AGBL4: variants seen among roughly 807,000 people sequenced by gnomAD.
AGBL4 encodes the protein cytosolic carboxypeptidase 6.
Under a neutral mutation model 66.4 loss-of-function variants are expected in AGBL4, and 58 were observed. The ratio of observed to expected loss-of-function variants is 0.87; its 90% CI spans 0.71 to 1.09. The LOEUF (loss-of-function observed/expected upper bound fraction) is 1.09, where lower values mean the gene tolerates loss of function less well. Among genes scored for constraint, AGBL4 ranks in the 50% least tolerant of loss-of-function variants. The probability of loss-of-function intolerance (pLI) is 0.00; values close to 1 mark genes in which losing one functional copy is unlikely to be tolerated. For missense variants in AGBL4, 579 were observed against 631.0 expected, an observed-to-expected ratio of 0.92 and a Z score of 0.88; for synonymous variants, 234 against 222.9, an observed-to-expected ratio of 1.05 and a Z score of -0.44.
chr1:49,306,885 T>A (rs1644857384), intron 3 of AGBL4, among the ~76,000 whole-genome samples: 1 of 152,206 alleles, frequency 6.6e-6, no homozygotes, highest in Admixed American at 6.5e-5. Flanking sequence ...GCAATTTTTA[T>A]CATCATAATC....
chr1:49,725,485 G>C (rs1648949108), intron 2 of AGBL4, among the ~76,000 whole-genome samples: 1 of 152,078 alleles, frequency 6.6e-6, no homozygotes, highest in African/African-American at 2.4e-5. Context: ...GATCTATGCT[G>C]GGCTGTCCAG....
rs577542985 is a variant in AGBL4, at chr1:48,874,641, T to C, written c.595-7411A>G. The stretch of plus-strand genomic sequence containing the variant: ...ACATACTTGGAAAACAAACCAAAAA[T>C]ACCTATTATTTTCAGAACCAAGTTT... On this transcript the variant is annotated intron_variant, in intron 5 of 13. Transcript: ENST00000371839. 2.6e-5 allele frequency among the ~76,000 whole-genome samples: 4 copies of C among 152,240 alleles called. No individual in the cohort carries two copies. In the South Asian group the frequency reaches 8.3e-4, roughly 32 times the overall value.
At chr1:49,645,299 T>C (rs944615272) in intron 3 of AGBL4, among the ~76,000 whole-genome samples, 1 of 151,466 alleles carries the variant, frequency 6.6e-6, no homozygotes, top group Non-Finnish European at 1.5e-5. Flanking sequence ...CCTAATTCTT[T>C]GCAAAATTAT....
intron 7 of AGBL4, among the ~76,000 whole-genome samples, chr1:48,655,334 TC>T (rs1219144464): frequency 6.6e-6 from 1 of 152,226 alleles, no homozygotes; most frequent in Non-Finnish European, 1.5e-5. Flanking sequence ...TTTTCTTTTT[TC>T]TTTGTGGTGA....
chr1:49,941,163 ATAACAAGTAGATT>A (rs973349348), intron 1 of AGBL4, among the ~76,000 whole-genome samples: 1 of 152,156 alleles, frequency 6.6e-6, no homozygotes, highest in Non-Finnish European at 1.5e-5. Flanking sequence ...GAACAGACCA[ATAACAAGTAGATT>A]TAATCAGTAG....
intron 3 of AGBL4, among the ~76,000 whole-genome samples, chr1:49,514,584 T>C (rs1252228407): frequency 6.6e-6 from 1 of 151,978 alleles, no homozygotes; most frequent in African/African-American, 2.4e-5. Flanking sequence ...ACCAAGTCAA[T>C]CCGAAGCCAA....
intron 6 of AGBL4, among the ~76,000 whole-genome samples, chr1:48,724,084 G>A (rs1250595887): frequency 6.6e-6 from 1 of 152,216 alleles, no homozygotes; most frequent in Non-Finnish European, 1.5e-5. Context: ...TACGGGGTCA[G>A]CAGGTTAGGA....
intron 5 of AGBL4, among the ~76,000 whole-genome samples, chr1:49,037,606 A>G (rs1421533029): frequency 1.3e-5 from 2 of 152,100 alleles, no homozygotes; most frequent in African/African-American, 2.4e-5. Context: ...GACACACCAT[A>G]GCATCTCAGC....
chr1:49,475,847 A>G (rs1218245230), intron 3 of AGBL4, among the ~76,000 whole-genome samples: 1 of 152,014 alleles, frequency 6.6e-6, no homozygotes, highest in Non-Finnish European at 1.5e-5. Context: ...CAAGCAGTTT[A>G]TCAATCTCAT....
intron 4 of AGBL4, among the ~76,000 whole-genome samples, chr1:49,114,856 C>A (rs1203984592): frequency 1.3e-5 from 2 of 152,048 alleles, no homozygotes; most frequent in Non-Finnish European, 2.9e-5. Flanking sequence ...GTTTGTAGCA[C>A]CCCAAAACAA....
chr1:48,613,700 G>T (rs776050667), intron 9 of AGBL4, among the ~76,000 whole-genome samples: 14 of 152,196 alleles, frequency 9.2e-5, no homozygotes, highest in Non-Finnish European at 7.3e-5. Context: ...TTTAGCCTGG[G>T]CCCTAGATGA....
rs1647050853 is a variant in AGBL4, at chr1:49,877,436, G to A, written c.35-25918C>T. On this transcript the variant is annotated intron_variant, in intron 1 of 13. Transcript: ENST00000371839. ...GATAATCATGTGGTTTTTGTCTTTG[G>A]TTCTGTTTATATGCTGGATTACATT... Among the ~76,000 whole-genome samples, 4 of 151,850 alleles carry A rather than the reference G, an allele frequency of 2.6e-5. No individual in the cohort carries two copies. In the South Asian group the frequency reaches 8.3e-4, roughly 32 times the overall value.
chr1:48,653,377 G>A lies in AGBL4; in HGVS notation c.799C>T (p.Pro267Ser). 6.3e-7 allele frequency: 1 copy of A among 1,587,206 alleles called. No homozygotes were observed. Among genetic ancestry groups the A allele is most frequent in the Non-Finnish European group, 8.6e-7 (1 of 1,166,008 alleles). The change falls in exon 8 of 14, where the codon CCA becomes TCA. Residue 267 changes from proline to serine, a missense_variant. By Grantham distance (74) the Pro-to-Ser change is moderately conservative. Coordinates refer to ENST00000371839, the MANE Select transcript of AGBL4 (RefSeq NM_032785.4). The part of the protein sequence containing the change: ...LREYLVFKIA[P>S]MLNPDGVYLG... ...TAGACTCCATCAGGATTGAGCATTG[G>A]TGCGATCTTGAAGACCAGGTATTCC...
At chr1:49,201,249 C>G (rs1282087327) in intron 4 of AGBL4, among the ~76,000 whole-genome samples, 1 of 152,164 alleles carries the variant, frequency 6.6e-6, no homozygotes, top group Non-Finnish European at 1.5e-5. Context: ...GGACTTGGTC[C>G]TGCATCCCCT....
chr1:48,868,501 C>A (rs543434112), intron 5 of AGBL4, among the ~76,000 whole-genome samples: 6 of 152,238 alleles, frequency 3.9e-5, no homozygotes, highest in African/African-American at 1.4e-4. Context: ...CATTAAATGG[C>A]AGGGTCAGGA....
At chr1:49,795,303 A>C (rs1644702710) in intron 2 of AGBL4, among the ~76,000 whole-genome samples, 1 of 152,042 alleles carries the variant, frequency 6.6e-6, no homozygotes, top group African/African-American at 2.4e-5. Flanking sequence ...ATGTACCCAG[A>C]TAAAACTATC....
chr1:48,653,519 G>A, intron 7 of AGBL4, 68 bp from the exon 8 acceptor site: 2 of 1,265,630 alleles, frequency 1.6e-6, no homozygotes, highest in Non-Finnish European at 2.2e-6. Context: ...ATTTTTCTCA[G>A]CTTGGAAAAC....
At chr1:49,523,728 T>C (rs1650439898) in intron 3 of AGBL4, among the ~76,000 whole-genome samples, 1 of 152,216 alleles carries the variant, frequency 6.6e-6, no homozygotes, top group Admixed American at 6.5e-5. Flanking sequence ...TATTAATGAA[T>C]AAATCAATTA....
intron 3 of AGBL4, among the ~76,000 whole-genome samples, chr1:49,274,963 G>C (rs1644138740): frequency 6.6e-6 from 1 of 152,004 alleles, no homozygotes; most frequent in Non-Finnish European, 1.5e-5. Context: ...ATATATTTGT[G>C]AACAAAAATA....
Sources: gnomAD v4.1 joint callset for allele counts (sites outside exome capture counted in the v4.1 genomes callset) on GRCh38, gnomAD v4.1.1 for gene constraint, MANE v1.5 for transcripts, NCBI Gene and HGNC (gene_info 2026-07-23, HGNC 2026-07-21) for gene names.